The following ATP13A3 variants were observed in gnomAD, a reference collection of about 807,000 sequenced individuals.
ATP13A3 encodes polyamine-transporting ATPase 13A3.
In ATP13A3, 59 loss-of-function variants were observed where a neutral mutation model predicts 158.1. The ratio of observed to expected loss-of-function variants is 0.37; its 90% CI spans 0.30 to 0.46. ATP13A3 has a LOEUF of 0.46. Among genes scored for constraint, ATP13A3 ranks in the 20% least tolerant of loss-of-function variants. The pLI is 1.00. For synonymous variants in ATP13A3, 491 were observed against 504.3 expected (o/e 0.97, Z 0.35); for missense variants, 1,166 against 1,525.2 (o/e 0.76, Z 3.92).
At chr3:194,417,396 G>GACAC (rs56119734) in intron 31 of ATP13A3, among the ~76,000 whole-genome samples, 22,892 of 117,776 alleles carry the variant, frequency 0.19, 2,578 homozygotes, top group Non-Finnish European at 0.24. Context: ...GCCAGATTCT[G>GACAC]ACACACACAC....
chr3:194,450,467 T>C (rs1030473820), intron 10 of ATP13A3, 191 bp from the exon 11 acceptor site: 2 of 549,828 alleles, frequency 3.6e-6, no homozygotes, highest in Admixed American at 3.2e-5. Context: ...GTCAGCTAGT[T>C]AGTCTCCTGC....
intron 28 of ATP13A3, among the ~76,000 whole-genome samples, chr3:194,427,638 T>C (rs1208082845): frequency 1.1e-4 from 1 of 9,446 alleles, no homozygotes; most frequent in Non-Finnish European, 1.5e-4. Flanking sequence ...ATCTCTACAA[T>C]AAATAAATAA....
At chr3:194,424,981 G>A (rs966453469) in intron 30 of ATP13A3, among the ~76,000 whole-genome samples, 11 of 152,036 alleles carry the variant, frequency 7.2e-5, no homozygotes, top group African/African-American at 1.9e-4. Flanking sequence ...AACTCCCTCC[G>A]CAGTGGGCTG....
chr3:194,431,192 T>C lies in ATP13A3; in HGVS notation c.2456A>G (p.Glu819Gly), dbSNP rs1212095324. Residue 819 changes from glutamate (E) to glycine (G), a missense_variant, in exon 23 of 34, where the codon GAG becomes GGG. Physicochemically the swap from Glu to Gly is moderately conservative, Grantham distance 98. This residue lies in a region of ATP13A3 where 997 missense variants were observed against 1,341.2 expected (regional missense o/e 0.74). Transcript: ENST00000645319. ...IPVKLVHDSLEDLQMTRYHFA... is the reference protein window; with the variant it reads ...IPVKLVHDSLGDLQMTRYHFA... Reference sequence around the variant, plus strand: ...ATGATAACGAGTCATTTGAAGATCCTCTAAGCTATCATGGACCAATTTAAC... The same window carrying C: ...ATGATAACGAGTCATTTGAAGATCCCCTAAGCTATCATGGACCAATTTAAC... The C allele has an allele frequency of 6.2e-7, 1 of 1,613,806 alleles. No homozygotes were observed. Among genetic ancestry groups the C allele is most frequent in the East Asian group, 2.2e-5 (1 of 44,870 alleles).
chr3:194,446,889 G>C lies in ATP13A3; in HGVS notation c.1497+38C>G, dbSNP rs763930274. 312 of 1,507,072 alleles carry C rather than the reference G, an allele frequency of 2.1e-4. 1 individual carries two copies. Among genetic ancestry groups the C allele is most frequent in the Non-Finnish European group, 4.6e-5 (51 of 1,113,222 alleles). The allele number at this position is 1,507,072 out of a possible 1,614,324, so 93.4% of individuals were successfully genotyped here. A position where few individuals can be genotyped will look rare whatever the true frequency, so the allele number is the denominator to read the frequency against. ...ATTGATCTAAATATTTAAACGCTAC[G>C]AAGTAACCTTTGAAAGTAACTATGA... On this transcript the variant is annotated intron_variant, in intron 14 of 33. Transcript: ENST00000645319.
At chr3:194,454,494 G>C in intron 8 of ATP13A3, 102 bp from the exon 9 acceptor site, 1 of 1,263,362 alleles carries the variant, frequency 7.9e-7, no homozygotes, top group Non-Finnish European at 1.1e-6. Flanking sequence ...ATATGTACAA[G>C]ATAAGCTCCA....
chr3:194,415,244 T>A (rs1245975088), intron 31 of ATP13A3, among the ~76,000 whole-genome samples: 1 of 152,130 alleles, frequency 6.6e-6, no homozygotes, highest in African/African-American at 2.4e-5. Flanking sequence ...AAAAGTCCAT[T>A]GGACTTAACA....
chr3:194,434,240 C>T (rs1312430899), intron 20 of ATP13A3, among the ~76,000 whole-genome samples: 1 of 152,202 alleles, frequency 6.6e-6, no homozygotes, highest in African/African-American at 2.4e-5. Context: ...AAAGAAAAAA[C>T]TGTGCCACAA....
intron 32 of ATP13A3, 67 bp from the exon 33 acceptor site, chr3:194,412,355 T>C (rs745651872): frequency 1.3e-5 from 16 of 1,262,926 alleles, no homozygotes; most frequent in Non-Finnish European, 1.7e-5. Context: ...TGTGCACCTT[T>C]TTAAAAAATC....
intron 2 of ATP13A3, among the ~76,000 whole-genome samples, chr3:194,477,289 G>C (rs750308135): frequency 3.2e-4 from 48 of 152,118 alleles, no homozygotes; most frequent in Non-Finnish European, 5.4e-4. Context: ...CAACAACGTT[G>C]AACTTATAGA....
At position 194,444,710 on chromosome 3, in the gene ATP13A3, C is replaced by G. The variant is rs752551309; in HGVS notation, c.1559+15G>C. 18 of 1,567,122 alleles carry G rather than the reference C, an allele frequency of 1.1e-5. No individual in the cohort carries two copies. In the East Asian group the frequency reaches 2.3e-4, roughly 20 times the overall value. ...AAAATAAACTAATAAACTATCAAGT[C>G]TAACTAATATTTACCGTGCATTTTC... is the stretch of plus-strand genomic sequence containing the variant. On this transcript the variant is annotated intron_variant, in intron 15 of 33. Transcript: ENST00000645319.
chr3:194,416,139 G>T (rs1332483029), intron 31 of ATP13A3, among the ~76,000 whole-genome samples: 1 of 152,194 alleles, frequency 6.6e-6, no homozygotes, highest in Non-Finnish European at 1.5e-5. Context: ...GAGAAAAACT[G>T]TGTGACCATT....
intron 2 of ATP13A3, among the ~76,000 whole-genome samples, chr3:194,479,951 G>A (rs1037100472): frequency 1.3e-5 from 2 of 152,026 alleles, no homozygotes; most frequent in Non-Finnish European, 2.9e-5. Context: ...AGCTTTTGAG[G>A]ATGTTGCTAC....
At chr3:194,427,989 G>C (rs1433587311) in intron 28 of ATP13A3, among the ~76,000 whole-genome samples, 1 of 152,072 alleles carries the variant, frequency 6.6e-6, no homozygotes, top group Non-Finnish European at 1.5e-5. Context: ...GGGAGGCCGA[G>C]GCGGGCGGAC....
chr3:194,454,109 A>G, intron 9 of ATP13A3, 149 bp downstream of exon 9: 1 of 865,568 alleles, frequency 1.2e-6, no homozygotes, highest in East Asian at 2.7e-5. Context: ...AAACAAACAA[A>G]AAGGGAGGGG....
At position 194,428,866 on chromosome 3, in the gene ATP13A3, TGATTGCCA is replaced by T; in HGVS notation, c.2918_2925del (p.Leu973HisfsTer60). The T allele has an allele frequency of 6.3e-7, 1 of 1,598,264 alleles. No homozygotes were observed. The highest frequency in any genetic ancestry group is 8.6e-7 in the Non-Finnish European group (1 of 1,167,810). ...TCACTTGTAAATACCACTACCAAAA[TGATTGCCA>T]GATCAATGAAGAGAAACTGGAAGTC... On this transcript the variant is annotated frameshift_variant, in exon 28 of 34. Transcript: ENST00000645319. LOFTEE classifies it high-confidence loss of function.
Position 194,412,491 on chromosome 3 carries a change from A to G in ATP13A3, c.3484-203T>C, listed in dbSNP as rs1367940291. On this transcript the variant is annotated intron_variant, in intron 32 of 33. Transcript: ENST00000645319. Reference sequence around the variant, plus strand: ...AATACAAATCATCATAAAATTCTTGATAAAATGAGACTTCTAAATTTTCCA... The same window carrying G: ...AATACAAATCATCATAAAATTCTTGGTAAAATGAGACTTCTAAATTTTCCA... The G allele has an allele frequency of 9.3e-6, 5 of 539,694 alleles. No individual in the cohort carries two copies. The Admixed American group carries it at 1.5e-4, about 17-fold the overall frequency. The allele number at this position is 539,694 out of a possible 1,614,324, so 33.4% of individuals were successfully genotyped here. A position where few individuals can be genotyped will look rare whatever the true frequency, so the allele number is the denominator to read the frequency against.
At chr3:194,482,092 G>T (rs1397345643) in intron 2 of ATP13A3, among the ~76,000 whole-genome samples, 1 of 152,120 alleles carries the variant, frequency 6.6e-6, no homozygotes, top group Non-Finnish European at 1.5e-5. Flanking sequence ...ACCTTCCTCA[G>T]TGTCAGACAC....
intron 2 of ATP13A3, among the ~76,000 whole-genome samples, chr3:194,478,640 G>A (rs1028025415): frequency 6.6e-6 from 1 of 152,144 alleles, no homozygotes; most frequent in Non-Finnish European, 1.5e-5. Context: ...CAGATTATAA[G>A]GAAGGGTCTT....
Sources: gnomAD v4.1 joint callset for allele counts (sites outside exome capture counted in the v4.1 genomes callset) on GRCh38, gnomAD v4.1.1 for gene constraint, gnomAD v4.1.1 regional missense constraint, MANE v1.5 for transcripts, NCBI Gene and HGNC (gene_info 2026-07-23, HGNC 2026-07-21) for gene names.